The following PAAF1 variants were observed in gnomAD, a reference collection of about 807,000 sequenced individuals.
PAAF1 encodes the protein proteasomal ATPase-associated factor 1.
PAAF1 carries 46 observed loss-of-function variants against 52.8 expected under a neutral mutation model. The observed-to-expected ratio is 0.87, with a 90% CI of 0.69 to 1.11. The LOEUF (loss-of-function observed/expected upper bound fraction) is 1.11. PAAF1 is among the 50% of genes most tolerant of loss of function. The probability of loss-of-function intolerance (pLI) is 0.00; values close to 1 mark genes in which losing one functional copy is unlikely to be tolerated. For missense variants in PAAF1, 424 were observed against 477.4 expected (o/e 0.89, Z 1.04); for synonymous variants, 178 against 172.8 (o/e 1.03, Z -0.24).
At chr11:73,877,665 C>T (rs1948781141) in intron 1 of PAAF1, among the ~76,000 whole-genome samples, 2 of 152,148 alleles carry the variant, frequency 1.3e-5, no homozygotes, top group Non-Finnish European at 2.9e-5. Flanking sequence ...ATTGGTGGAT[C>T]AGTTGAGGTC....
intron 3 of PAAF1, chr11:73,889,352 C>A: frequency 1.6e-6 from 1 of 630,520 alleles, no homozygotes; most frequent in Non-Finnish European, 2.3e-6. Flanking sequence ...TGTCATTATG[C>A]TTAAATGTCT....
intron 2 of PAAF1, among the ~76,000 whole-genome samples, chr11:73,886,275 T>G (rs1054920073): frequency 6.6e-6 from 1 of 152,218 alleles, no homozygotes. Context: ...CTGGAAGAAT[T>G]ACATTTCACA....
chr11:73,891,931 A>G (rs1043081451), intron 4 of PAAF1, among the ~76,000 whole-genome samples: 1 of 152,202 alleles, frequency 6.6e-6, no homozygotes, highest in African/African-American at 2.4e-5. Flanking sequence ...AGCCTTTTCT[A>G]CTACCATGGG....
chr11:73,923,741 G>T (rs953616229), intron 10 of PAAF1, among the ~76,000 whole-genome samples: 6 of 152,022 alleles, frequency 3.9e-5, no homozygotes, highest in African/African-American at 1.4e-4. Flanking sequence ...TTAACAAAAA[G>T]AAATCACCTT....
intron 10 of PAAF1, among the ~76,000 whole-genome samples, chr11:73,923,049 T>C (rs1372249527): frequency 6.6e-6 from 1 of 152,176 alleles, no homozygotes; most frequent in Non-Finnish European, 1.5e-5. Flanking sequence ...GTTTTACCCA[T>C]TCCCTTGCAT....
At chr11:73,916,485 G>T in intron 8 of PAAF1, 60 bp from the exon 9 acceptor site, 3 of 1,167,142 alleles carry the variant, frequency 2.6e-6, no homozygotes, top group Non-Finnish European at 1.2e-6. Context: ...TTTGGTGCCT[G>T]TTTATTCTTG....
At chr11:73,911,029 A>G (rs1591107289) in intron 7 of PAAF1, among the ~76,000 whole-genome samples, 1 of 150,396 alleles carries the variant, frequency 6.6e-6, no homozygotes, top group South Asian at 2.1e-4. Context: ...GAGTTCTTAT[A>G]TACCTTTTGC....
At chr11:73,917,239 T>C (rs1273043009) in intron 9 of PAAF1, among the ~76,000 whole-genome samples, 1 of 152,086 alleles carries the variant, frequency 6.6e-6, no homozygotes, top group East Asian at 1.9e-4. Context: ...CAGGCTGATC[T>C]CGAATTCCTG....
At chr11:73,898,136 C>T (rs1181789825) in intron 4 of PAAF1, among the ~76,000 whole-genome samples, 1 of 149,638 alleles carries the variant, frequency 6.7e-6, no homozygotes, top group Non-Finnish European at 1.5e-5. Flanking sequence ...GGCAGCAGTA[C>T]CGTCCAGCTG....
At position 73,909,504 on chromosome 11, in the gene PAAF1, T is replaced by A. The variant is rs1274121469; in HGVS notation, c.638T>A (p.Val213Asp). The A allele has an allele frequency of 6.2e-7, 1 of 1,613,996 alleles. No individual in the cohort carries two copies. The highest frequency in any genetic ancestry group is 8.5e-7 in the Non-Finnish European group (1 of 1,180,004). Reference protein sequence around the residue: ...WDCGRSACLGVLADCGSSING... With the variant: ...WDCGRSACLGDLADCGSSING... ...TGTGGGCGCTCAGCCTGCTTGGGAG[T>A]CCTTGCAGATTGTGGTTCTTCTATC... Residue 213 changes from valine to aspartate, a missense_variant, in exon 7 of 12, where the codon GTC (valine) becomes GAC (aspartate). Val to Asp is a radical substitution (Grantham distance 152). Transcript: ENST00000310571.
chr11:73,926,649 C>T (rs1041783951), intron 11 of PAAF1, among the ~76,000 whole-genome samples: 6 of 152,132 alleles, frequency 3.9e-5, no homozygotes, highest in African/African-American at 7.2e-5. Flanking sequence ...GCGGAGCTTG[C>T]AGTGAGCCAA....
chr11:73,913,994 G>A (rs1444039379), intron 7 of PAAF1, among the ~76,000 whole-genome samples: 1 of 152,046 alleles, frequency 6.6e-6, no homozygotes, highest in Non-Finnish European at 1.5e-5. Context: ...AGACTGTGGG[G>A]TGCTATGTTT....
chr11:73,898,197 AGGGAGG>A (rs1265813770), intron 4 of PAAF1, among the ~76,000 whole-genome samples: 3 of 20,904 alleles, frequency 1.4e-4, no homozygotes, highest in South Asian at 1.8e-3. Flanking sequence ...CCGTGGGGAG[AGGGAGG>A]GGGAGGGGAA....
chr11:73,887,917 T>G (rs2135139873), intron 3 of PAAF1, among the ~76,000 whole-genome samples: 1 of 152,222 alleles, frequency 6.6e-6, no homozygotes, highest in South Asian at 2.1e-4. Context: ...ACCCAGCTAA[T>G]TTTTGCATTT....
At chr11:73,925,967 T>A (rs1257943599) in intron 11 of PAAF1, among the ~76,000 whole-genome samples, 2 of 152,250 alleles carry the variant, frequency 1.3e-5, no homozygotes, top group African/African-American at 4.8e-5. Flanking sequence ...TACATCTTTA[T>A]GTATTAATGT....
In PAAF1 at chr11:73,877,043, C is replaced by T. The variant is rs757409908; in HGVS notation, c.22C>T (p.Gln8Ter). The change falls in exon 1 of 12, where the codon CAG becomes TAG. Residue 8 changes from glutamine (Q) to a stop codon, truncating the protein, a stop_gained. Transcript: ENST00000310571. LOFTEE classifies it high-confidence loss of function. ...CGAGATGGCGGCGCCTTTGAGGATT[C>T]AGAGCGACTGGGCGCAAGCCCTCAG... MAAPLRI[Q>*]SDWAQALRKD... 2.6e-6 allele frequency: 4 copies of T among 1,536,924 alleles called. No individual in the cohort carries two copies. The African/African-American group carries it at 4.1e-5, about 16-fold the overall frequency.
rs773452572 is a variant in PAAF1 at position 73,887,304 on chromosome 11, A to G, written c.89-50A>G. On this transcript the variant is annotated intron_variant, in intron 2 of 11. Transcript: ENST00000310571. ...CTGAATTGGGTCTTCAAAGAGAAAA[A>G]TAATAAATTTTTCTTATTTTTTGAG... The G allele has an allele frequency of 1.1e-5, 15 of 1,427,086 alleles. No homozygotes were observed. In the East Asian group the frequency reaches 2.8e-4, roughly 27 times the overall value. The allele number at this position is 1,427,086 out of a possible 1,614,324, so 88.4% of individuals were successfully genotyped here.
chr11:73,904,262 A>T (rs1462388618), intron 6 of PAAF1, among the ~76,000 whole-genome samples: 1 of 152,052 alleles, frequency 6.6e-6, no homozygotes, highest in Non-Finnish European at 1.5e-5. Flanking sequence ...TAGTTTTGTG[A>T]TTGTAACATA....
upstream of PAAF1, chr11:73,876,927 T>G: frequency 8.3e-7 from 1 of 1,209,324 alleles, no homozygotes; most frequent in Non-Finnish European, 1.1e-6. Context: ...GGTGGCCTCT[T>G]GGTGTTGAGC....
Sources: allele counts gnomAD v4.1 joint callset (sites outside exome capture counted in the v4.1 genomes callset), GRCh38; gene constraint gnomAD v4.1.1; transcripts MANE v1.5; gene names NCBI Gene and HGNC (gene_info 2026-07-23, HGNC 2026-07-21).